Variants in RBP2 observed in about 807,000 individuals in gnomAD.
The protein encoded by RBP2 is retinol binding protein 2.
In RBP2, 17 loss-of-function variants were observed where a neutral mutation model predicts 17.0. That is an observed-to-expected ratio of 1.00 (90% CI 0.68 to 1.50). The LOEUF (loss-of-function observed/expected upper bound fraction) is 1.50. Among genes scored for constraint, RBP2 ranks in the 40% most tolerant of loss-of-function variants. The pLI, the probability that RBP2 is intolerant of heterozygous loss-of-function variation, is 0.00. For missense variants in RBP2, 158 were observed against 168.2 expected (o/e 0.94, Z 0.33); for synonymous variants, 48 against 57.1 (o/e 0.84, Z 0.72).
At chr3:139,460,259 C>T (rs1309533560) in intron 2 of RBP2, among the ~76,000 whole-genome samples, 2 of 152,204 alleles carry the variant, frequency 1.3e-5, no homozygotes, top group Non-Finnish European at 2.9e-5. Context: ...AGATGGTTCA[C>T]AGGTTCAGAA....
At chr3:139,471,315 CAGGCTCTTAA>C (rs1207610421) in intron 1 of RBP2, among the ~76,000 whole-genome samples, 2 of 152,200 alleles carry the variant, frequency 1.3e-5, no homozygotes, top group African/African-American at 4.8e-5. Flanking sequence ...TGCTAGACTG[CAGGCTCTTAA>C]ATGGTCAAGA....
chr3:139,455,512 C>T (rs1257678328), intron 2 of RBP2, among the ~76,000 whole-genome samples: 1 of 152,112 alleles, frequency 6.6e-6, no homozygotes, highest in African/African-American at 2.4e-5. Context: ...TTATACAGGG[C>T]ACATGGGGAT....
intron 2 of RBP2, among the ~76,000 whole-genome samples, chr3:139,459,942 G>C (rs1462613763): frequency 6.6e-6 from 1 of 151,898 alleles, no homozygotes; most frequent in African/African-American, 2.4e-5. Context: ...GCTAACTGCT[G>C]ACTGGAGAGG....
chr3:139,461,891 C>A (rs1386176697), intron 2 of RBP2, among the ~76,000 whole-genome samples: 1 of 152,156 alleles, frequency 6.6e-6, no homozygotes, highest in Admixed American at 6.5e-5. Context: ...TAGGCCCTGG[C>A]CCTGGATCAT....
At chr3:139,475,704 T>C (rs1479692547) in intron 1 of RBP2, among the ~76,000 whole-genome samples, 1 of 152,126 alleles carries the variant, frequency 6.6e-6, no homozygotes, top group Admixed American at 6.5e-5. Context: ...AACTGTGAGC[T>C]CCCCTCTGGG....
chr3:139,465,301 T>C (rs1284557252), intron 1 of RBP2, among the ~76,000 whole-genome samples: 1 of 152,180 alleles, frequency 6.6e-6, no homozygotes, highest in African/African-American at 2.4e-5. Context: ...TAAGACACGC[T>C]TTGTGTCTAG....
rs776742230 is a variant in RBP2, at chr3:139,462,174, C to T, written c.190G>A (p.Asp64Asn). 5.6e-6 allele frequency: 9 copies of T among 1,614,040 alleles called. No homozygotes were observed. In the Admixed American group the frequency reaches 6.7e-5, roughly 12 times the overall value. Residue 64 changes from aspartate to asparagine, a missense_variant, in exon 2 of 4, where the codon GAT (aspartate) becomes AAT (asparagine). Transcript: ENST00000232217. ...TCAAACTCTACTCCAACAGTGAAAT[C>T]CACATCATAGTTGCGGAATGTGCTA... ...TTSTFRNYDV[D>N]FTVGVEFDEY...
chr3:139,459,214 C>T (rs966111560), intron 2 of RBP2, among the ~76,000 whole-genome samples: 5 of 152,016 alleles, frequency 3.3e-5, no homozygotes, highest in African/African-American at 4.8e-5. Context: ...CACTCCCACA[C>T]GTGTATAGGT....
Position 139,454,770 on chromosome 3 carries a change from G to T in RBP2, c.313C>A (p.Arg105Ser), listed in dbSNP as rs766189249. 5 of 1,614,116 alleles carry T rather than the reference G, an allele frequency of 3.1e-6. No individual in the cohort carries two copies. The highest frequency in any genetic ancestry group is 4.2e-6 in the Non-Finnish European group (5 of 1,180,008). Reference protein sequence around the residue: ...VCVQKGEKENRGWKQWIEGDK... With the variant: ...VCVQKGEKENSGWKQWIEGDK... ...CCCTCAATCCACTGCTTCCAGCCGC[G>T]GTTCTCCTTCTCCCCCTTTTGCACA... The change falls in exon 3 of 4, where the codon CGC becomes AGC. Residue 105 changes from arginine (R) to serine (S), a missense_variant. Physicochemically the swap from Arg to Ser is moderately radical, Grantham distance 110. Transcript: ENST00000232217.
At chr3:139,453,470 G>A (rs962791201) in intron 3 of RBP2, among the ~76,000 whole-genome samples, 8 of 152,354 alleles carry the variant, frequency 5.3e-5, no homozygotes, top group African/African-American at 1.9e-4. Flanking sequence ...AAAAGGCAGC[G>A]AAGCCATGAG....
chr3:139,454,658 C>A, intron 3 of RBP2, 71 bp downstream of exon 3: 1 of 1,474,838 alleles, frequency 6.8e-7, no homozygotes, highest in South Asian at 1.1e-5. Context: ...CTTGTCAAAA[C>A]ACCTGGCTAG....
At chr3:139,454,608 A>G in intron 3 of RBP2, 121 bp downstream of exon 3, 1 of 845,044 alleles carries the variant, frequency 1.2e-6, no homozygotes. Context: ...GACCACATGC[A>G]TTTGGCTGGA....
At chr3:139,474,226 T>TTGTGAG (rs1933654957) in intron 1 of RBP2, among the ~76,000 whole-genome samples, 1 of 152,182 alleles carries the variant, frequency 6.6e-6, no homozygotes, top group Non-Finnish European at 1.5e-5. Context: ...AGCCCCTTAC[T>TTGTGAG]CACATTAAAG....
rs768976618 is a variant in RBP2, at chr3:139,453,043, G to A, written c.*73C>T. 4.3e-5 allele frequency: 67 copies of A among 1,574,324 alleles called. No individual in the cohort carries two copies. The highest frequency in any genetic ancestry group is 5.6e-5 in the Non-Finnish European group (64 of 1,144,046). ...CAAGAGTGGGAAGGTCCCCACAGCT[G>A]TTTCTCAAAGCCAGTAGACCACTCA... On this transcript the variant is annotated 3_prime_UTR_variant, in exon 4 of 4. Transcript: ENST00000232217.
intron 1 of RBP2, among the ~76,000 whole-genome samples, chr3:139,462,643 A>G (rs967365843): frequency 8.0e-5 from 12 of 150,518 alleles, no homozygotes; most frequent in African/African-American, 2.5e-4. Flanking sequence ...CATCCTCCTA[A>G]GAGTTTGCTG....
chr3:139,468,935 A>C (rs1933454782), intron 1 of RBP2, among the ~76,000 whole-genome samples: 1 of 152,182 alleles, frequency 6.6e-6, no homozygotes, highest in South Asian at 2.1e-4. Context: ...CACGGACCTG[A>C]CTTTATTAAA....
chr3:139,474,865 T>C (rs567729478), intron 1 of RBP2, among the ~76,000 whole-genome samples: 1 of 152,286 alleles, frequency 6.6e-6, no homozygotes, highest in South Asian at 2.1e-4. Context: ...CCCATTTCTA[T>C]TGGCCACTCC....
intron 2 of RBP2, among the ~76,000 whole-genome samples, chr3:139,455,907 T>C (rs747806475): frequency 6.6e-6 from 1 of 152,206 alleles, no homozygotes; most frequent in Non-Finnish European, 1.5e-5. Flanking sequence ...CTCAAACCCC[T>C]GTGTACATGT....
intron 1 of RBP2, among the ~76,000 whole-genome samples, chr3:139,470,025 G>A (rs1933506051): frequency 6.6e-6 from 1 of 152,110 alleles, no homozygotes; most frequent in Non-Finnish European, 1.5e-5. Flanking sequence ...AAAACGGAAG[G>A]CATTTCTTCT....
Sources: gnomAD v4.1 joint callset for allele counts (sites outside exome capture counted in the v4.1 genomes callset) on GRCh38, gnomAD v4.1.1 for gene constraint, MANE v1.5 for transcripts, NCBI Gene and HGNC (gene_info 2026-07-23, HGNC 2026-07-21) for gene names.